ALS2: variants seen among roughly 807,000 people sequenced by gnomAD.
The protein encoded by ALS2 is alsin.
A neutral mutation model predicts 203.4 loss-of-function variants in ALS2; 117 were observed. The ratio of observed to expected loss-of-function variants is 0.58; its 90% CI spans 0.50 to 0.67. The LOEUF (loss-of-function observed/expected upper bound fraction) is 0.67, where lower values mean the gene tolerates loss of function less well. Among genes scored for constraint, ALS2 ranks in the 30% least tolerant of loss-of-function variants. ALS2 has a pLI of 0.00. For missense variants in ALS2, 1,715 were observed against 1,989.4 expected (o/e 0.86, Z 2.62); for synonymous variants, 718 against 725.9 (o/e 0.99, Z 0.17).
chr2:201,704,636 A>G (rs768514971), intron 31 of ALS2, 33 bp from the exon 32 acceptor site: 8 of 1,613,528 alleles, frequency 5.0e-6, no homozygotes, highest in Non-Finnish European at 6.8e-6. Context: ...AAGACATCCT[A>G]TAATTTTCTT....
intron 17 of ALS2, 139 bp from the exon 18 acceptor site, chr2:201,727,005 C>T (rs1559050551): frequency 2.2e-6 from 2 of 891,514 alleles, no homozygotes; most frequent in Non-Finnish European, 3.6e-6. Context: ...TATTGACTGG[C>T]TCTTGTATTT....
intron 23 of ALS2, among the ~76,000 whole-genome samples, chr2:201,721,241 A>G (rs919405185): frequency 1.3e-4 from 20 of 152,354 alleles, no homozygotes; most frequent in African/African-American, 4.8e-4. Flanking sequence ...TTCTCCCCAA[A>G]TTAATCTATA....
At position 201,775,740 on chromosome 2, in the gene ALS2, C is replaced by A. The variant is rs142706297; in HGVS notation, c.-61+5137G>T. Among the ~76,000 whole-genome samples, 97 of 152,142 alleles carry A rather than the reference C, an allele frequency of 6.4e-4. No individual in the cohort carries two copies. In the East Asian group the frequency reaches 0.017, roughly 26 times the overall value. Reference sequence around the variant, plus strand: ...GCATTGCCTGATACCAGTATGGGAGCCAATGAGCCTTCAAATCTTGACTCA... The same window carrying A: ...GCATTGCCTGATACCAGTATGGGAGACAATGAGCCTTCAAATCTTGACTCA... On this transcript the variant is annotated intron_variant, in intron 1 of 33. Transcript: ENST00000264276.
intron 3 of ALS2, among the ~76,000 whole-genome samples, chr2:201,766,234 A>C (rs1361086258): frequency 6.6e-6 from 1 of 152,228 alleles, no homozygotes; most frequent in Non-Finnish European, 1.5e-5. Flanking sequence ...TATTACCATA[A>C]AATTTTAAAA....
Position 201,733,443 on chromosome 2 carries a change from A to G in ALS2, c.2418-5T>C. The G allele has an allele frequency of 6.2e-7, 1 of 1,612,984 alleles. No homozygotes were observed. The highest frequency in any genetic ancestry group is 1.7e-4 in the Middle Eastern group (1 of 5,986). On this transcript the variant is annotated splice_region_variant and splice_polypyrimidine_tract_variant and intron_variant, in intron 12 of 33. Transcript: ENST00000264276. ...TGGTTTTTATTTAGGAAATCACTAG[A>G]GGCAGAGGAAAAAAAAATTTAGTTA...
rs144613080 is a variant in ALS2, at chr2:201,701,472, A to T, written c.*379T>A. Reference sequence around the variant, plus strand: ...TCAGGCAAACCAGAAATTCAAAAATATCCATCAACTTCTTTAATATAAGAA... The same window carrying T: ...TCAGGCAAACCAGAAATTCAAAAATTTCCATCAACTTCTTTAATATAAGAA... On this transcript the variant is annotated 3_prime_UTR_variant, in exon 34 of 34. Coordinates refer to ENST00000264276, the MANE Select transcript of ALS2 (RefSeq NM_020919.4). The T allele has an allele frequency of 8.2e-3, 1,429 of 174,906 alleles. 20 individuals carry two copies. The highest frequency in any genetic ancestry group is 0.032 in the African/African-American group (1,363 of 42,022). The allele number at this position is 174,906 out of a possible 1,614,324, so 10.8% of individuals were successfully genotyped here. A position where few individuals can be genotyped will look rare whatever the true frequency, so the allele number is the denominator to read the frequency against.
At chr2:201,713,133 C>CTTTTCTTTTTT (rs1279654897) in intron 25 of ALS2, among the ~76,000 whole-genome samples, 5 of 96,240 alleles carry the variant, frequency 5.2e-5, no homozygotes, top group African/African-American at 7.9e-5. Flanking sequence ...CTTTTCTTTT[C>CTTTTCTTTTTT]TTTTTTTTTT....
chr2:201,746,657 T>A lies in ALS2; in HGVS notation c.1907A>T (p.Tyr636Phe). The A allele has an allele frequency of 3.1e-6, 5 of 1,614,178 alleles. No individual in the cohort carries two copies. Among genetic ancestry groups the A allele is most frequent in the Non-Finnish European group, 4.2e-6 (5 of 1,180,028 alleles). The change falls in exon 9 of 34, where the codon TAT becomes TTT. Residue 636 changes from tyrosine (Y) to phenylalanine (F), a missense_variant. Physicochemically the swap from Tyr to Phe is conservative, Grantham distance 22. Around this residue, in one of 3 missense-constraint regions of ALS2, gnomAD observed 1,227 missense variants for 1,413.5 expected, o/e 0.87. Coordinates refer to ENST00000264276, the MANE Select transcript of ALS2 (RefSeq NM_020919.4). ...TGTAGGGTCCTGTCGGCCACTGTAA[T>A]ATAACCCAGGCTGGAAGTCTTCTGT... Reference protein sequence around the residue: ...VDTEDFQPGLYYSGRQDPTEG... With the variant: ...VDTEDFQPGLFYSGRQDPTEG...
At chr2:201,779,229 ATGGCCTGCAT>A in intron 1 of ALS2, among the ~76,000 whole-genome samples, 1 of 152,308 alleles carries the variant, frequency 6.6e-6, no homozygotes, top group Non-Finnish European at 1.5e-5. Context: ...TAAAAAGTAA[ATGGCCTGCAT>A]AATGCCACTC....
intron 11 of ALS2, among the ~76,000 whole-genome samples, chr2:201,740,298 G>A (rs1236412256): frequency 6.6e-6 from 1 of 152,098 alleles, no homozygotes; most frequent in Non-Finnish European, 1.5e-5. Context: ...CTGCACTCCA[G>A]GCTTTAATAA....
At chr2:201,721,784 C>G (rs1205116034) in intron 23 of ALS2, among the ~76,000 whole-genome samples, 2 of 152,190 alleles carry the variant, frequency 1.3e-5, no homozygotes. Flanking sequence ...CTGCCTCAGC[C>G]TCCTGAGTAG....
At chr2:201,744,081 G>A (rs1404529245) in intron 10 of ALS2, among the ~76,000 whole-genome samples, 177 bp downstream of exon 10, 1 of 152,166 alleles carries the variant, frequency 6.6e-6, no homozygotes, top group Non-Finnish European at 1.5e-5. Context: ...GGGGCAGTGA[G>A]GCTATTGACA....
chr2:201,725,521 A>T (rs1425506787), intron 19 of ALS2, 67 bp from the exon 20 acceptor site: 2 of 1,250,172 alleles, frequency 1.6e-6, no homozygotes, highest in Non-Finnish European at 2.3e-6. Flanking sequence ...TTGTATGTAT[A>T]TCCTGGTAAA....
chr2:201,759,931 T>G, intron 4 of ALS2: 1 of 984,956 alleles, frequency 1.0e-6, no homozygotes, highest in Middle Eastern at 5.2e-4. Flanking sequence ...TTAAAACAAT[T>G]TAGTTTAAGC....
chr2:201,753,228 C>T lies in ALS2; in HGVS notation c.1655G>A (p.Cys552Tyr). 1.9e-6 allele frequency: 3 copies of T among 1,614,072 alleles called. No homozygotes were observed. Among genetic ancestry groups the T allele is most frequent in the Non-Finnish European group, 2.5e-6 (3 of 1,179,950 alleles). Residue 552 changes from cysteine to tyrosine, a missense_variant, in exon 7 of 34, where the codon TGT (cysteine) becomes TAT (tyrosine). Physicochemically the swap from Cys to Tyr is radical, Grantham distance 194 (BLOSUM62 -2). Transcript: ENST00000264276. ...TTCTTTGCCATCCAGACATTTTACA[C>T]ACAACGGTTGAAGCCTTAAAAAGAA... The part of the protein sequence containing the change: ...GDVLPRLQPL[C>Y]VKCLDGKEVI...
At position 201,744,244 on chromosome 2, in the gene ALS2, G is replaced by A; in HGVS notation, c.2170+14C>T. 6.2e-7 allele frequency: 1 copy of A among 1,610,912 alleles called. No homozygotes were observed. The highest frequency in any genetic ancestry group is 8.5e-7 in the Non-Finnish European group (1 of 1,177,178). On this transcript the variant is annotated intron_variant, in intron 10 of 33. Transcript: ENST00000264276. ...TGATGGTTTAATGGTGGGAGAGAGG[G>A]GGTTGCAACTTACCTAAACTGAGAA...
chr2:201,772,850 A>ATTTTTTTTTTTTTTTTTT (rs578253808), intron 1 of ALS2, among the ~76,000 whole-genome samples: 2 of 108,846 alleles, frequency 1.8e-5, no homozygotes, highest in Admixed American at 1.1e-4. Flanking sequence ...TGCTTTCATG[A>ATTTTTTTTTTTTTTTTTT]TTTTTTTTTT....
At position 201,715,725 on chromosome 2, in the gene ALS2, T is replaced by C; in HGVS notation, c.3951A>G (p.Ala1317=). ...EGPGQGEVWK[A]WDNIAVALTT... ...TCAAGGCCACAGCAATATTGTCCCA[T>C]GCTTTCCAAACTTCCCCTTGGCCTG... Residue 1317 remains alanine, a synonymous_variant, in exon 25 of 34, where the codon GCA becomes GCG. Coordinates refer to ENST00000264276, the MANE Select transcript of ALS2 (RefSeq NM_020919.4). 1 of 1,614,244 alleles carries C rather than the reference T, an allele frequency of 6.2e-7. No homozygotes were observed. Among genetic ancestry groups the C allele is most frequent in the Non-Finnish European group, 8.5e-7 (1 of 1,180,038 alleles).
chr2:201,741,474 ATTTT>A, intron 11 of ALS2, 196 bp downstream of exon 11: 2 of 580,942 alleles, frequency 3.4e-6, no homozygotes, highest in Non-Finnish European at 6.1e-6. Context: ...ATAATTCATT[ATTTT>A]TAAATTTTTT....
Sources: gnomAD v4.1 joint callset for allele counts (sites outside exome capture counted in the v4.1 genomes callset) on GRCh38, gnomAD v4.1.1 for gene constraint, gnomAD v4.1.1 regional missense constraint, MANE v1.5 for transcripts, NCBI Gene and HGNC (gene_info 2026-07-23, HGNC 2026-07-21) for gene names.